ENAH: variants seen among roughly 807,000 people sequenced by gnomAD.
ENAH encodes the protein ENAH actin regulator.
In ENAH, 23 loss-of-function variants were observed where a neutral mutation model predicts 78.7. The ratio of observed to expected loss-of-function variants is 0.29; its 90% confidence interval spans 0.21 to 0.41. ENAH has a LOEUF of 0.41. Among genes scored for constraint, ENAH ranks in the 10% least tolerant of loss-of-function variants. ENAH has a pLI of 1.00. For synonymous variants in ENAH, 226 were observed against 241.0 expected, an observed-to-expected ratio of 0.94 and a Z score of 0.58; for missense variants, 544 against 691.0, an observed-to-expected ratio of 0.79 and a Z score of 2.39.
At chr1:225,590,830 C>T (rs560945065) in intron 1 of ENAH, among the ~76,000 whole-genome samples, 5 of 152,276 alleles carry the variant, frequency 3.3e-5, no homozygotes, top group Admixed American at 1.3e-4. Flanking sequence ...GCCTTTCTAC[C>T]GCCAGCCTCT....
rs139780235 is a variant in ENAH, at chr1:225,492,771, G to C, written c.*5004C>G. On this transcript the variant is annotated 3_prime_UTR_variant, in exon 14 of 14. Coordinates refer to ENST00000366843, the MANE Select transcript of ENAH (RefSeq NM_018212.6). The stretch of plus-strand genomic sequence containing the variant: ...TATTTCCCTTTCTCAATTTTCAGAT[G>C]TATCGATTCCTTCAGATTTCAACAG... The C allele has an allele frequency of 1.8e-4, 28 of 152,330 alleles. No individual in the cohort carries two copies. The highest frequency in any genetic ancestry group is 6.3e-4 in the African/African-American group (26 of 41,562). 9.4% of individuals were successfully genotyped at this position (152,330 alleles called of 1,614,324 possible).
At chr1:225,601,287 G>A (rs990905102) in intron 1 of ENAH, among the ~76,000 whole-genome samples, 1 of 152,148 alleles carries the variant, frequency 6.6e-6, no homozygotes, top group African/African-American at 2.4e-5. Flanking sequence ...TTGGGAGGCC[G>A]AGGTGGGCGG....
chr1:225,653,124 G>T (rs1045024879), upstream of ENAH: 3 of 151,618 alleles, frequency 2.0e-5, no homozygotes, highest in Non-Finnish European at 2.9e-5. The surrounding 1 kb of genome is among the most constrained non-coding windows in gnomAD (Gnocchi z 4.3). Flanking sequence ...GAGGAGAGTC[G>T]GGATCGCCGC....
intron 1 of ENAH, among the ~76,000 whole-genome samples, chr1:225,590,831 G>T (rs531462604): frequency 6.6e-6 from 1 of 151,902 alleles, no homozygotes; most frequent in Non-Finnish European, 1.5e-5. Flanking sequence ...CCTTTCTACC[G>T]CCAGCCTCTC....
Position 225,496,919 on chromosome 1 carries a change from G to A in ENAH, c.*856C>T, listed in dbSNP as rs1266069098. 6.6e-6 allele frequency: 1 copy of A among 152,572 alleles called. No individual in the cohort carries two copies. The highest frequency in any genetic ancestry group is 6.5e-5 in the Admixed American group (1 of 15,268). The allele number at this position is 152,572 out of a possible 1,614,324, so 9.5% of individuals were successfully genotyped here. A position where few individuals can be genotyped will look rare whatever the true frequency, so the allele number is the denominator to read the frequency against. ...TGCAATTAAAAAAGCTAACCTTGTG[G>A]TGATTGTAATTACATTATAAAAATG... is the stretch of plus-strand genomic sequence containing the variant. On this transcript the variant is annotated 3_prime_UTR_variant, in exon 14 of 14. Coordinates refer to ENST00000366843, the MANE Select transcript of ENAH (RefSeq NM_018212.6).
intron 1 of ENAH, among the ~76,000 whole-genome samples, chr1:225,587,475 GCTGAAAA>G (rs1211989998): frequency 1.3e-5 from 2 of 152,106 alleles, no homozygotes. Flanking sequence ...AAATCTTTAT[GCTGAAAA>G]CTAAAAAACA....
chr1:225,521,054 G>C (rs1008231561), intron 4 of ENAH, among the ~76,000 whole-genome samples: 1 of 150,684 alleles, frequency 6.6e-6, no homozygotes, highest in Non-Finnish European at 1.5e-5. Flanking sequence ...ACACGCACGC[G>C]CGCGCACACA....
chr1:225,551,550 T>C (rs2096640672), intron 3 of ENAH, among the ~76,000 whole-genome samples: 2 of 152,130 alleles, frequency 1.3e-5, no homozygotes, highest in African/African-American at 4.8e-5. Flanking sequence ...ATCTCAGTGG[T>C]TGCGGATCCG....
intron 1 of ENAH, among the ~76,000 whole-genome samples, chr1:225,596,104 A>C (rs1262020411): frequency 6.6e-6 from 1 of 152,104 alleles, no homozygotes; most frequent in African/African-American, 2.4e-5. Context: ...AAGCTGGCTT[A>C]TTTTTTTATT....
chr1:225,570,249 C>G (rs2096754681), intron 1 of ENAH, among the ~76,000 whole-genome samples: 1 of 152,006 alleles, frequency 6.6e-6, no homozygotes. Context: ...GCACTGCCTG[C>G]TAGGGTTTAG....
chr1:225,615,011 C>T (rs539320102), intron 1 of ENAH, among the ~76,000 whole-genome samples: 4 of 151,076 alleles, frequency 2.6e-5, no homozygotes, highest in Non-Finnish European at 5.9e-5. Context: ...TCTCCCTCCA[C>T]GGTCTCCCTC....
rs1242769934 is a variant in ENAH at position 225,500,976 on chromosome 1, G to T, written c.1617+16C>A. 3 of 1,611,054 alleles carry T rather than the reference G, an allele frequency of 1.9e-6. No individual in the cohort carries two copies. Among genetic ancestry groups the T allele is most frequent in the Non-Finnish European group, 2.5e-6 (3 of 1,178,176 alleles). On this transcript the variant is annotated intron_variant, in intron 12 of 13. Coordinates refer to ENST00000366843, the MANE Select transcript of ENAH (RefSeq NM_018212.6). Reference sequence around the variant, plus strand: ...AAACAAGTACAAATAAAGGAAAGCTGCCACTGAGCACCCACCTGCTTCAGC... The same window carrying T: ...AAACAAGTACAAATAAAGGAAAGCTTCCACTGAGCACCCACCTGCTTCAGC...
intron 1 of ENAH, among the ~76,000 whole-genome samples, chr1:225,572,624 T>C (rs755188691): frequency 6.6e-6 from 1 of 152,212 alleles, no homozygotes; most frequent in Non-Finnish European, 1.5e-5. Context: ...GCATGGACAC[T>C]GGTGAACAAA....
At position 225,490,294 on chromosome 1, in the gene ENAH, G is replaced by A. The variant is rs1339603583; in HGVS notation, c.*7481C>T. 1 of 152,196 alleles carries A rather than the reference G, an allele frequency of 6.6e-6. No homozygotes were observed. Among genetic ancestry groups the A allele is most frequent in the Non-Finnish European group, 1.5e-5 (1 of 68,046 alleles). The allele number at this position is 152,196 out of a possible 1,614,324, so 9.4% of individuals were successfully genotyped here. Reference sequence around the variant, plus strand: ...TTTCAGAAACAAGGACATTTTATGTGAGGATCAAATATTCTCCCTTCAAAA... The same window carrying A: ...TTTCAGAAACAAGGACATTTTATGTAAGGATCAAATATTCTCCCTTCAAAA... On this transcript the variant is annotated 3_prime_UTR_variant, in exon 14 of 14. Coordinates refer to ENST00000366843, the MANE Select transcript of ENAH (RefSeq NM_018212.6).
intron 3 of ENAH, chr1:225,531,032 A>T: frequency 2.5e-6 from 1 of 400,334 alleles, no homozygotes; most frequent in East Asian, 3.6e-5. Flanking sequence ...AAAAATCAGA[A>T]TTCAAAAACT....
At chr1:225,624,219 C>T (rs1408943688) in intron 1 of ENAH, among the ~76,000 whole-genome samples, 1 of 151,972 alleles carries the variant, frequency 6.6e-6, no homozygotes, top group Non-Finnish European at 1.5e-5. Flanking sequence ...AGGAGAATTG[C>T]TTAAGGCCAG....
chr1:225,500,489 G>A (rs2096275919), intron 12 of ENAH, among the ~76,000 whole-genome samples: 2 of 152,088 alleles, frequency 1.3e-5, no homozygotes, highest in African/African-American at 4.8e-5. Context: ...CTATACATTT[G>A]TATACTTCCA....
At chr1:225,612,321 G>C (rs983007825) in intron 1 of ENAH, among the ~76,000 whole-genome samples, 7 of 152,180 alleles carry the variant, frequency 4.6e-5, no homozygotes, top group African/African-American at 1.2e-4. Flanking sequence ...ACAGAAGCCA[G>C]ACACAAAAAG....
At chr1:225,579,141 G>A (rs1003771683) in intron 1 of ENAH, among the ~76,000 whole-genome samples, 3 of 152,126 alleles carry the variant, frequency 2.0e-5, no homozygotes, top group African/African-American at 7.2e-5. Context: ...CATACTGTAG[G>A]GAGAGGCAGA....
Sources: gnomAD v4.1 joint callset for allele counts (sites outside exome capture counted in the v4.1 genomes callset) on GRCh38, gnomAD v4.1.1 for gene constraint, Gnocchi (gnomAD v3.1) non-coding constraint, MANE v1.5 for transcripts, NCBI Gene and HGNC (gene_info 2026-07-23, HGNC 2026-07-21) for gene names.